Variants in DLGAP4 observed in about 807,000 individuals in gnomAD.
DLGAP4 encodes the protein disks large-associated protein 4.
Under a neutral mutation model 86.9 loss-of-function variants are expected in DLGAP4, and 18 were observed. The ratio of observed to expected loss-of-function variants is 0.21; its 90% CI spans 0.14 to 0.31. The LOEUF is 0.31. DLGAP4 is among the 10% of genes least tolerant of loss of function. DLGAP4 has a pLI of 1.00. For missense variants in DLGAP4, 1,085 were observed against 1,362.6 expected, an observed-to-expected ratio of 0.80 and a Z score of 3.21; for synonymous variants, 548 against 574.3, an observed-to-expected ratio of 0.95 and a Z score of 0.65.
At chr20:36,316,491 A>G (rs1483794214) in intron 1 of DLGAP4, among the ~76,000 whole-genome samples, 2 of 151,056 alleles carry the variant, frequency 1.3e-5, no homozygotes, top group African/African-American at 2.4e-5. Flanking sequence ...CTCAGCTCAG[A>G]CCTCCCCTTT....
chr20:36,510,896 G>A (rs926438826), intron 10 of DLGAP4: 1 of 152,188 alleles, frequency 6.6e-6, no homozygotes, highest in African/African-American at 2.4e-5. Flanking sequence ...TTTGTAGCAC[G>A]CCTTGGTATC....
chr20:36,395,142 A>G (rs548559770), intron 2 of DLGAP4, among the ~76,000 whole-genome samples: 1 of 152,278 alleles, frequency 6.6e-6, no homozygotes, highest in East Asian at 1.9e-4. Flanking sequence ...TTCCCCAGGC[A>G]TCCACAAGAC....
At chr20:36,380,593 A>AAGAG (rs57814145) in intron 2 of DLGAP4, among the ~76,000 whole-genome samples, 58 of 97,184 alleles carry the variant, frequency 6.0e-4, no homozygotes, top group Non-Finnish European at 9.5e-4. Context: ...GTCTGCATTA[A>AAGAG]AGAGAGAGAG....
At chr20:36,339,962 T>C (rs1315209213) in intron 1 of DLGAP4, among the ~76,000 whole-genome samples, 2 of 151,886 alleles carry the variant, frequency 1.3e-5, no homozygotes, top group Non-Finnish European at 2.9e-5. Context: ...GGAGGCTGGG[T>C]TGGGGGAGTG....
At chr20:36,484,331 G>T (rs1013471730) in intron 7 of DLGAP4, among the ~76,000 whole-genome samples, 8 of 152,200 alleles carry the variant, frequency 5.3e-5, no homozygotes, top group Non-Finnish European at 1.0e-4. Flanking sequence ...CTGTGGGTGT[G>T]CCTAGAAGCA....
intron 7 of DLGAP4, chr20:36,461,466 G>A: frequency 1.0e-6 from 1 of 981,418 alleles, no homozygotes; most frequent in Non-Finnish European, 1.2e-6. Flanking sequence ...CGCCCCTCGG[G>A]CGTACAAAAC....
At chr20:36,454,991 G>A (rs548910711) in intron 7 of DLGAP4, among the ~76,000 whole-genome samples, 3 of 152,292 alleles carry the variant, frequency 2.0e-5, no homozygotes, top group African/African-American at 7.2e-5. Context: ...CTGGGATGGT[G>A]GGAGAAGCAG....
At position 36,432,428 on chromosome 20, in the gene DLGAP4, C is replaced by A; in HGVS notation, c.711C>A (p.Ser237Arg). 6.2e-7 allele frequency: 1 copy of A among 1,613,806 alleles called. No homozygotes were observed. Reference protein sequence around the residue: ...LMTLGRQAERSQPRYFMHAYN... With the variant: ...LMTLGRQAERRQPRYFMHAYN... Reference sequence around the variant, plus strand: ...CACTAGGCCGCCAGGCAGAACGCAGCCAGCCACGCTACTTCATGCACGCCT... The same window carrying A: ...CACTAGGCCGCCAGGCAGAACGCAGACAGCCACGCTACTTCATGCACGCCT... Residue 237 changes from serine to arginine, a missense_variant, in exon 3 of 13, where the codon AGC becomes AGA. Ser to Arg is a moderately radical substitution (Grantham distance 110). This residue lies in a region of DLGAP4 where 1,082 missense variants were observed against 1,344.1 expected (regional missense o/e 0.81). Transcript: ENST00000339266. This position sits in a 1 kb window ranked among gnomAD's most constrained non-coding sequence, Gnocchi z 6.5.
Position 36,432,694 on chromosome 20 carries a change from G to T in DLGAP4, c.977G>T (p.Gly326Val), listed in dbSNP as rs1213325065. The T allele has an allele frequency of 2.3e-5, 37 of 1,613,180 alleles. No individual in the cohort carries two copies. The highest frequency in any genetic ancestry group is 3.0e-5 in the Non-Finnish European group (35 of 1,179,770). Residue 326 changes from glycine to valine, a missense_variant, in exon 3 of 13, where the codon GGT becomes GTT. Physicochemically the swap from Gly to Val is moderately radical, Grantham distance 109. Transcript: ENST00000339266. The surrounding 1 kb of genome is among the most constrained non-coding windows in gnomAD (Gnocchi z 6.5). ...CTCAAGTCCAAATCCTGCCACCAGG[G>T]TCTAGCCTACCATTACCTGCAGGTG... Reference protein sequence around the residue: ...SLLKSKSCHQGLAYHYLQVPG... With the variant: ...SLLKSKSCHQVLAYHYLQVPG...
chr20:36,338,749 C>T (rs1351856366), intron 1 of DLGAP4, among the ~76,000 whole-genome samples: 11 of 152,186 alleles, frequency 7.2e-5, no homozygotes, highest in African/African-American at 2.4e-4. Context: ...TGAATGCAAC[C>T]GTGCCACACA....
Position 36,431,513 on chromosome 20 carries a change from T to G in DLGAP4, c.-72-133T>G. 1.7e-6 allele frequency: 1 copy of G among 597,294 alleles called. No individual in the cohort carries two copies. The highest frequency in any genetic ancestry group is 2.9e-6 in the Non-Finnish European group (1 of 345,550). 37.0% of individuals were successfully genotyped at this position (597,294 alleles called of 1,614,324 possible). On this transcript the variant is annotated intron_variant, in intron 2 of 12. Coordinates refer to ENST00000339266, the MANE Select transcript of DLGAP4 (RefSeq NM_001365621.2). This position sits in a 1 kb window ranked among gnomAD's most constrained non-coding sequence, Gnocchi z 5.1. ...GTACGTGGGCCTCGGTGTGTACTCC[T>G]GTCCTCAGGCCCACAACATTGAGGA...
chr20:36,345,203 G>T (rs2029897624), intron 1 of DLGAP4, among the ~76,000 whole-genome samples: 1 of 152,202 alleles, frequency 6.6e-6, no homozygotes, highest in Non-Finnish European at 1.5e-5. Flanking sequence ...CCATTATATA[G>T]ACGAGAGAAC....
intron 2 of DLGAP4, among the ~76,000 whole-genome samples, chr20:36,415,136 C>T (rs1259413890): frequency 3.3e-5 from 5 of 152,152 alleles, no homozygotes; most frequent in Admixed American, 3.3e-4. Flanking sequence ...CATGATGGCA[C>T]ATGCCTGTAA....
intron 1 of DLGAP4, among the ~76,000 whole-genome samples, chr20:36,359,124 T>TTAG (rs2030430551): frequency 6.6e-6 from 1 of 152,106 alleles, no homozygotes; most frequent in Admixed American, 6.5e-5. Flanking sequence ...TATTTAATTT[T>TTAG]TATTATTATT....
At chr20:36,434,830 C>T (rs1450635364) in intron 3 of DLGAP4, among the ~76,000 whole-genome samples, 1 of 151,990 alleles carries the variant, frequency 6.6e-6, no homozygotes, top group Non-Finnish European at 1.5e-5. Context: ...TAGACATGGC[C>T]CTTGGGCAGT....
At chr20:36,451,766 A>T (rs6019946) in intron 7 of DLGAP4, among the ~76,000 whole-genome samples, 55 of 130,814 alleles carry the variant, frequency 4.2e-4, no homozygotes, top group African/African-American at 1.2e-3. Context: ...CTGAGGCTGT[A>T]TTTTTTTTTT....
chr20:36,453,608 G>C (rs1228377626), intron 7 of DLGAP4, among the ~76,000 whole-genome samples: 1 of 151,956 alleles, frequency 6.6e-6, no homozygotes, highest in Non-Finnish European at 1.5e-5. Flanking sequence ...ACTCCAGCCT[G>C]GGTAACAGAA....
rs376033097 is a variant in DLGAP4 at position 36,525,870 on chromosome 20, G to A, written c.2624G>A (p.Arg875His). The change falls in exon 12 of 13, where the codon CGC (arginine) becomes CAC (histidine). Residue 875 changes from arginine to histidine, a missense_variant. Arg to His is a conservative substitution (Grantham distance 29). Coordinates refer to ENST00000339266, the MANE Select transcript of DLGAP4 (RefSeq NM_001365621.2). ...CCACAGAACCCTGATGCCAACCCAC[G>A]CCCCACAGCCCAGGACCTGGCAGGG... ...EQNLNPDANP[R>H]PTAQDLAGFW... is the part of the protein sequence containing the mutation. 2.1e-5 allele frequency: 34 copies of A among 1,613,330 alleles called. No individual in the cohort carries two copies. Among genetic ancestry groups the A allele is most frequent in the South Asian group, 5.5e-5 (5 of 91,060 alleles).
intron 4 of DLGAP4, among the ~76,000 whole-genome samples, chr20:36,439,501 TG>T (rs759487862): frequency 1.5e-4 from 23 of 152,192 alleles, no homozygotes; most frequent in Non-Finnish European, 3.1e-4. Context: ...AGCCCTAGGC[TG>T]TGGAACTTGA....
Sources: allele counts gnomAD v4.1 joint callset (sites outside exome capture counted in the v4.1 genomes callset), GRCh38; gene constraint gnomAD v4.1.1; regional missense constraint gnomAD v4.1.1; non-coding constraint Gnocchi (gnomAD v3.1); transcripts MANE v1.5; gene names NCBI Gene and HGNC (gene_info 2026-07-23, HGNC 2026-07-21).